Variants in DNAH11 observed in about 807,000 individuals in gnomAD.
The protein encoded by DNAH11 is dynein axonemal heavy chain 11, also known as axonemal beta dynein heavy chain 11.
Under a neutral mutation model 526.0 loss-of-function variants are expected in DNAH11, and 442 were observed. The ratio of observed to expected loss-of-function variants is 0.84; its 90% CI spans 0.78 to 0.91. DNAH11 has a LOEUF of 0.91. Among genes scored for constraint, DNAH11 ranks in the 40% least tolerant of loss-of-function variants. DNAH11 has a pLI of 0.00. For missense variants in DNAH11, 6,989 were observed against 5,448.7 expected (o/e 1.28, Z -8.90); for synonymous variants, 2,461 against 1,935.9 (o/e 1.27, Z -7.12).
At chr7:21,849,160 C>T (rs7795968) in intron 66 of DNAH11, among the ~76,000 whole-genome samples, 6,963 of 152,314 alleles carry the variant, frequency 0.046, 230 homozygotes, top group African/African-American at 0.088. Flanking sequence ...GCTGGGATTA[C>T]GGGCATGAGC....
chr7:21,682,795 A>C (rs1340464320), intron 31 of DNAH11, among the ~76,000 whole-genome samples: 1 of 152,116 alleles, frequency 6.6e-6, no homozygotes, highest in Non-Finnish European at 1.5e-5. Flanking sequence ...GTGAATTTTA[A>C]TTATTTTCAT....
chr7:21,623,919 AC>A (rs969369326), intron 25 of DNAH11, among the ~76,000 whole-genome samples: 7 of 151,854 alleles, frequency 4.6e-5, no homozygotes, highest in Admixed American at 2.6e-4. Context: ...TACATATGTA[AC>A]TAACCTGCAC....
chr7:21,580,239 A>G (rs1784259107), intron 8 of DNAH11, among the ~76,000 whole-genome samples: 1 of 152,092 alleles, frequency 6.6e-6, no homozygotes, highest in Non-Finnish European at 1.5e-5. Context: ...ATGTTTTGTG[A>G]CCTTAAGCCG....
At chr7:21,810,077 T>C (rs541634146) in intron 63 of DNAH11, among the ~76,000 whole-genome samples, 1 of 152,338 alleles carries the variant, frequency 6.6e-6, no homozygotes, top group African/African-American at 2.4e-5. Flanking sequence ...ATGGGTTATT[T>C]GTTAAAGATT....
At chr7:21,761,114 GA>G (rs1786881735) in intron 54 of DNAH11, among the ~76,000 whole-genome samples, 1 of 152,126 alleles carries the variant, frequency 6.6e-6, no homozygotes, top group South Asian at 2.1e-4. Flanking sequence ...TCTTAGAAAA[GA>G]GCAGAATAAC....
intron 41 of DNAH11, among the ~76,000 whole-genome samples, 198 bp downstream of exon 41, chr7:21,710,901 G>A (rs982708119): frequency 1.3e-5 from 2 of 152,040 alleles, no homozygotes; most frequent in African/African-American, 4.8e-5. Context: ...TGTTCTCTTT[G>A]TTTCTTTGAA....
rs772466005 is a variant in DNAH11, at chr7:21,710,685, T to C, written c.6816T>C (p.Thr2272=). 4 of 1,612,484 alleles carry C rather than the reference T, an allele frequency of 2.5e-6. No individual in the cohort carries two copies. In the African/African-American group the frequency reaches 4.0e-5, roughly 16 times the overall value. Reference sequence around the variant, plus strand: ...CCATGTGGATTGAATCACTGAATACTGTAATGGATGATAACAAGGTGAATA... The same window carrying C: ...CCATGTGGATTGAATCACTGAATACCGTAATGGATGATAACAAGGTGAATA... The part of the protein sequence containing the change: ...IDPMWIESLN[T]VMDDNKVLTL... Residue 2272 remains threonine, a synonymous_variant, in exon 41 of 82, where the codon ACT becomes ACC. Transcript: ENST00000409508.
At position 21,601,271 on chromosome 7, in the gene DNAH11, T is replaced by G; in HGVS notation, c.3425+92T>G. 3.4e-6 allele frequency: 5 copies of G among 1,462,998 alleles called. No individual in the cohort carries two copies. In the South Asian group the frequency reaches 6.8e-5, roughly 20 times the overall value. The allele number at this position is 1,462,998 out of a possible 1,614,324, so 90.6% of individuals were successfully genotyped here. The stretch of plus-strand genomic sequence containing the variant: ...TTTTAAGCGTATTAATGTTGCCAGT[T>G]TCATGATAGAGATAAATGTTTAATC... On this transcript the variant is annotated intron_variant, in intron 17 of 81. Coordinates refer to ENST00000409508, the MANE Select transcript of DNAH11 (RefSeq NM_001277115.2).
chr7:21,897,358 A>G (rs964510056), intron 79 of DNAH11, among the ~76,000 whole-genome samples: 2 of 141,282 alleles, frequency 1.4e-5, no homozygotes, highest in African/African-American at 2.7e-5. Flanking sequence ...TTAAAATATA[A>G]TAACACCCTC....
chr7:21,614,225 C>T (rs903248224), intron 20 of DNAH11, among the ~76,000 whole-genome samples: 1 of 152,088 alleles, frequency 6.6e-6, no homozygotes, highest in African/African-American at 2.4e-5. Flanking sequence ...ATTGTTGGAT[C>T]TTGGGAGGAG....
At chr7:21,875,711 CA>C (rs1783678218) in intron 74 of DNAH11, among the ~76,000 whole-genome samples, 1 of 152,090 alleles carries the variant, frequency 6.6e-6, no homozygotes. Context: ...GATAAAGATT[CA>C]CAGATTCCCC....
chr7:21,704,902 A>G (rs888364652), intron 38 of DNAH11, among the ~76,000 whole-genome samples: 9 of 152,214 alleles, frequency 5.9e-5, no homozygotes, highest in Admixed American at 5.9e-4. Flanking sequence ...GTTCTTCGAG[A>G]CATGCACTAA....
Position 21,750,320 on chromosome 7 carries a change from A to C in DNAH11, c.8896A>C (p.Asn2966His). 6.2e-7 allele frequency: 1 copy of C among 1,605,898 alleles called. No individual in the cohort carries two copies. Among genetic ancestry groups the C allele is most frequent in the Non-Finnish European group, 8.5e-7 (1 of 1,176,046 alleles). ...TCTGGGCATGGTAGACTCCAGGGAA[A>C]ACTGTTGGAAATTCTTTATGGCCAG... The part of the protein sequence containing the change: ...HALGMVDSRE[N>H]CWKFFMARVR... Residue 2966 changes from asparagine (N) to histidine (H), a missense_variant, in exon 54 of 82, where the codon AAC (asparagine) becomes CAC (histidine). Physicochemically the swap from Asn to His is moderately conservative, Grantham distance 68. Transcript: ENST00000409508.
intron 36 of DNAH11, among the ~76,000 whole-genome samples, chr7:21,701,436 T>C (rs1329441648): frequency 6.6e-6 from 1 of 152,062 alleles, no homozygotes; most frequent in Non-Finnish European, 1.5e-5. Flanking sequence ...ACTCTAGGCG[T>C]GCACCATCAC....
chr7:21,840,982 G>T (rs1778422610), intron 65 of DNAH11, among the ~76,000 whole-genome samples: 1 of 152,152 alleles, frequency 6.6e-6, no homozygotes, highest in African/African-American at 2.4e-5. Context: ...AGTAGTTGGA[G>T]ACCAGCCTGA....
chr7:21,798,202 T>TC (rs540273861), intron 61 of DNAH11, among the ~76,000 whole-genome samples: 102 of 152,292 alleles, frequency 6.7e-4, no homozygotes, highest in African/African-American at 2.4e-3. Flanking sequence ...TTCAAGCAAT[T>TC]CTTGTGCCTC....
At chr7:21,897,007 C>T (rs1784539394) in intron 79 of DNAH11, among the ~76,000 whole-genome samples, 1 of 152,102 alleles carries the variant, frequency 6.6e-6, no homozygotes, top group Non-Finnish European at 1.5e-5. Context: ...CCCAAGAGGT[C>T]AAGGGTGCAA....
intron 25 of DNAH11, among the ~76,000 whole-genome samples, chr7:21,634,733 T>A (rs1381522610): frequency 6.6e-6 from 1 of 152,014 alleles, no homozygotes; most frequent in African/African-American, 2.4e-5. Context: ...ACCTGGGTGA[T>A]GAAATCATGT....
At chr7:21,811,921 C>T (rs945233049) in intron 63 of DNAH11, among the ~76,000 whole-genome samples, 7 of 152,074 alleles carry the variant, frequency 4.6e-5, no homozygotes, top group Admixed American at 4.6e-4. Flanking sequence ...ACTACATTTC[C>T]CATCAAAAAA....
Sources: allele counts gnomAD v4.1 joint callset (sites outside exome capture counted in the v4.1 genomes callset), GRCh38; gene constraint gnomAD v4.1.1; transcripts MANE v1.5; gene names NCBI Gene and HGNC (gene_info 2026-07-23, HGNC 2026-07-21).